IPO11: variants seen among roughly 807,000 people sequenced by gnomAD.
IPO11 encodes importin-11.
IPO11 carries 66 observed loss-of-function variants against 143.2 expected under a neutral mutation model. The observed-to-expected ratio is 0.46, with a 90% confidence interval of 0.38 to 0.57. The LOEUF (loss-of-function observed/expected upper bound fraction) is 0.57, where lower values mean the gene tolerates loss of function less well. IPO11 is among the 20% of genes least tolerant of loss of function. The probability of loss-of-function intolerance (pLI) is 0.00; values close to 1 mark genes in which losing one functional copy is unlikely to be tolerated. For missense variants in IPO11, 1,026 were observed against 1,141.0 expected, an observed-to-expected ratio of 0.90 and a Z score of 1.45; for synonymous variants, 385 against 377.8, an observed-to-expected ratio of 1.02 and a Z score of -0.22.
At chr5:62,479,271 C>T (rs1283097578) in intron 9 of IPO11, among the ~76,000 whole-genome samples, 1 of 152,164 alleles carries the variant, frequency 6.6e-6, no homozygotes, top group Non-Finnish European at 1.5e-5. Flanking sequence ...GTGAACTCAT[C>T]CTTTTTTATG....
Position 62,530,084 on chromosome 5 carries a change from G to A in IPO11, c.2013-625G>A, listed in dbSNP as rs546738167. On this transcript the variant is annotated intron_variant, in intron 21 of 29. Coordinates refer to ENST00000325324, the MANE Select transcript of IPO11 (RefSeq NM_016338.5). ...TAACTTATTAGCCTAGTTTCCCATC[G>A]AAGAACACATCAATTACATGTGGCA... is the stretch of plus-strand genomic sequence containing the variant. Among the ~76,000 whole-genome samples the A allele has an allele frequency of 9.9e-5, 15 of 152,164 alleles. No individual in the cohort carries two copies. In the Middle Eastern group the frequency reaches 0.01, roughly 104 times the overall value.
intron 24 of IPO11, among the ~76,000 whole-genome samples, chr5:62,540,628 G>A (rs1436889726): frequency 6.6e-6 from 1 of 152,240 alleles, no homozygotes; most frequent in Non-Finnish European, 1.5e-5. Context: ...TCCAGGGTTA[G>A]AACATTGGCT....
chr5:62,624,989 A>G (rs1043083130), intron 29 of IPO11, among the ~76,000 whole-genome samples: 41 of 151,808 alleles, frequency 2.7e-4, no homozygotes, highest in Non-Finnish European at 5.6e-4. Context: ...TCAAAAAAAA[A>G]AAAAAAAAAA....
At chr5:62,538,328 A>G (rs1480997007) in intron 24 of IPO11, among the ~76,000 whole-genome samples, 1 of 152,222 alleles carries the variant, frequency 6.6e-6, no homozygotes, top group African/African-American at 2.4e-5. Flanking sequence ...GTCTTACTTC[A>G]TAACTGATAT....
chr5:62,416,557 T>C (rs950513635), intron 1 of IPO11, among the ~76,000 whole-genome samples: 1 of 152,074 alleles, frequency 6.6e-6, no homozygotes, highest in African/African-American at 2.4e-5. Context: ...CTTATCTTAA[T>C]CACCTTAAAA....
At chr5:62,559,632 C>T (rs961135533) in intron 26 of IPO11, among the ~76,000 whole-genome samples, 2 of 151,756 alleles carry the variant, frequency 1.3e-5, no homozygotes, top group Non-Finnish European at 1.5e-5. Flanking sequence ...AGTAATTCCT[C>T]ATGGCTGGGT....
intron 26 of IPO11, among the ~76,000 whole-genome samples, chr5:62,554,918 T>C (rs1743520304): frequency 6.6e-6 from 1 of 152,216 alleles, no homozygotes; most frequent in Non-Finnish European, 1.5e-5. Flanking sequence ...TTTCACCATT[T>C]TGGCCAGGCT....
At chr5:62,614,430 A>G (rs765288983) in intron 29 of IPO11, among the ~76,000 whole-genome samples, 1 of 152,222 alleles carries the variant, frequency 6.6e-6, no homozygotes, top group Non-Finnish European at 1.5e-5. Flanking sequence ...TTGTCATTAC[A>G]GGACAGGGAA....
chr5:62,627,004 C>T, intron 29 of IPO11, 150 bp from the exon 30 acceptor site: 2 of 523,348 alleles, frequency 3.8e-6, no homozygotes. Context: ...CAGATTTTTC[C>T]ACCATGAGAT....
intron 29 of IPO11, among the ~76,000 whole-genome samples, chr5:62,609,536 G>A (rs1745855370): frequency 6.6e-6 from 1 of 152,232 alleles, no homozygotes. Context: ...ATAAGTGACT[G>A]GATGGACCAA....
intron 19 of IPO11, among the ~76,000 whole-genome samples, chr5:62,513,163 G>A (rs1460232161): frequency 6.6e-6 from 1 of 151,514 alleles, no homozygotes; most frequent in Non-Finnish European, 1.5e-5. Context: ...AGGGGCGGCC[G>A]GGCAGAGGCG....
chr5:62,606,640 C>G (rs1310557009), intron 29 of IPO11, among the ~76,000 whole-genome samples: 1 of 151,792 alleles, frequency 6.6e-6, no homozygotes, highest in Non-Finnish European at 1.5e-5. Context: ...ATCGAGACCA[C>G]CCTGGCTAAC....
At chr5:62,606,023 A>AGAG (rs1745701188) in intron 29 of IPO11, among the ~76,000 whole-genome samples, 1 of 151,346 alleles carries the variant, frequency 6.6e-6, no homozygotes, top group Admixed American at 6.6e-5. Context: ...GAGCCACTCC[A>AGAG]CCCTCCCTAT....
chr5:62,457,147 G>A (rs747398688), intron 5 of IPO11, among the ~76,000 whole-genome samples: 2 of 152,112 alleles, frequency 1.3e-5, no homozygotes, highest in Non-Finnish European at 2.9e-5. Flanking sequence ...TTATGGTCAT[G>A]GCTAAAACTT....
rs535690325 is a variant in IPO11, at chr5:62,434,895, C to T, written c.-6-2379C>T. On this transcript the variant is annotated intron_variant, in intron 1 of 29. Coordinates refer to ENST00000325324, the MANE Select transcript of IPO11 (RefSeq NM_016338.5). ...CAAAAATTAGCTGGGCGTGGTGGCT[C>T]GCGCCTGTAGTCGCAGCTACTTGGG... is the stretch of plus-strand genomic sequence containing the variant. Among the ~76,000 whole-genome samples the T allele has an allele frequency of 7.2e-4, 109 of 151,018 alleles. 1 individual carries two copies. The South Asian group carries it at 0.019, about 27-fold the overall frequency.
chr5:62,485,653 A>G (rs1428093522), intron 12 of IPO11, among the ~76,000 whole-genome samples, 191 bp downstream of exon 12: 2 of 152,030 alleles, frequency 1.3e-5, no homozygotes, highest in Admixed American at 6.5e-5. Context: ...GGCCTGGTAA[A>G]CATAGTGAGA....
chr5:62,581,493 C>T (rs904913869), intron 27 of IPO11: 4 of 535,728 alleles, frequency 7.5e-6, no homozygotes, highest in Non-Finnish European at 9.8e-6. Context: ...TTGATATATA[C>T]TGTATTAAGT....
intron 19 of IPO11, among the ~76,000 whole-genome samples, chr5:62,507,275 G>C (rs1012650542): frequency 6.6e-6 from 1 of 152,192 alleles, no homozygotes; most frequent in South Asian, 2.1e-4. Context: ...TGGTAGGGTT[G>C]AGTCACTGTT....
At chr5:62,579,830 T>A in intron 27 of IPO11, 1 of 1,546,974 alleles carries the variant, frequency 6.5e-7, no homozygotes, top group African/African-American at 1.4e-5. Context: ...TTTAAGGGAC[T>A]TTTAAATCTT....
Sources: allele counts gnomAD v4.1 joint callset (sites outside exome capture counted in the v4.1 genomes callset), GRCh38; gene constraint gnomAD v4.1.1; transcripts MANE v1.5; gene names NCBI Gene and HGNC (gene_info 2026-07-23, HGNC 2026-07-21).